Variants in PCDHGA2 observed in about 807,000 individuals in gnomAD.
The protein encoded by PCDHGA2 is protocadherin gamma-A2.
A neutral mutation model predicts 59.2 loss-of-function variants in PCDHGA2; 40 were observed. The observed-to-expected ratio is 0.68, with a 90% CI of 0.52 to 0.88. The LOEUF (loss-of-function observed/expected upper bound fraction) is 0.88, where lower values mean the gene tolerates loss of function less well. Among genes scored for constraint, PCDHGA2 ranks in the 40% least tolerant of loss-of-function variants. The pLI, the probability that PCDHGA2 is intolerant of heterozygous loss-of-function variation, is 0.00. For missense variants in PCDHGA2, 1,226 were observed against 1,204.0 expected, an observed-to-expected ratio of 1.02 and a Z score of -0.27; for synonymous variants, 560 against 526.0, an observed-to-expected ratio of 1.06 and a Z score of -0.89.
At chr5:141,462,497 T>C (rs1333421053) in intron 1 of PCDHGA2, among the ~76,000 whole-genome samples, 1 of 152,244 alleles carries the variant, frequency 6.6e-6, no homozygotes, top group Non-Finnish European at 1.5e-5. Flanking sequence ...TATCCTATAA[T>C]TGTCAACTAG....
At chr5:141,366,611 G>A (rs1479573730) in intron 1 of PCDHGA2, 2 of 1,614,240 alleles carry the variant, frequency 1.2e-6, no homozygotes, top group Admixed American at 1.7e-5. Context: ...CTCCCTCACC[G>A]CGGACTCGAG....
chr5:141,381,693 G>A (rs1777359039), intron 1 of PCDHGA2, among the ~76,000 whole-genome samples: 1 of 152,096 alleles, frequency 6.6e-6, no homozygotes, highest in African/African-American at 2.4e-5. Context: ...GACAAACAAC[G>A]ATTTCTTTCT....
intron 1 of PCDHGA2, chr5:141,371,250 A>G: frequency 6.2e-7 from 1 of 1,614,054 alleles, no homozygotes; most frequent in Non-Finnish European, 8.5e-7. Context: ...CAATATTGGC[A>G]AGGAAGTGAG....
chr5:141,490,942 C>G lies in PCDHGA2; in HGVS notation c.2425-3865C>G. 1 of 1,613,644 alleles carries G rather than the reference C, an allele frequency of 6.2e-7. No individual in the cohort carries two copies. Among genetic ancestry groups the G allele is most frequent in the Non-Finnish European group, 8.5e-7 (1 of 1,179,760 alleles). On this transcript the variant is annotated intron_variant, in intron 1 of 3. Transcript: ENST00000394576. This position sits in a 1 kb window ranked among gnomAD's most constrained non-coding sequence, Gnocchi z 5.4. ...TAATGCCCCAGCTGTGCTGCACCCA[C>G]GGCCAGACTGGGAACACTCAGCCCC...
At position 141,468,868 on chromosome 5, in the gene PCDHGA2, A is replaced by AAAT. The variant is rs993655754; in HGVS notation, c.2425-25921_2425-25919dup. Among the ~76,000 whole-genome samples, 30 of 151,912 alleles carry AAAT rather than the reference A, an allele frequency of 2.0e-4. No homozygotes were observed. The East Asian group carries it at 4.3e-3, about 22-fold the overall frequency. On this transcript the variant is annotated intron_variant, in intron 1 of 3. Coordinates refer to ENST00000394576, the MANE Select transcript of PCDHGA2 (RefSeq NM_018915.4). ...GCAACAGAGCGAGACTCCATCTCAAAAATAATAATAATAATAATAAGGTAC... is the reference window on the plus strand; with the variant it reads ...GCAACAGAGCGAGACTCCATCTCAAAAATAATAATAATAATAATAATAAGGTAC...
At chr5:141,458,899 T>A (rs1398965632) in intron 1 of PCDHGA2, among the ~76,000 whole-genome samples, 2 of 152,106 alleles carry the variant, frequency 1.3e-5, no homozygotes, top group African/African-American at 2.4e-5. Context: ...GCGCAGCTAA[T>A]TTTTTCTATT....
At chr5:141,389,391 G>C (rs544096177) in intron 1 of PCDHGA2, 9 of 1,613,686 alleles carry the variant, frequency 5.6e-6, no homozygotes, top group African/African-American at 1.3e-5. Context: ...GTCATCCTAC[G>C]TGTCCATAAG....
intron 1 of PCDHGA2, chr5:141,419,960 G>A (rs773071584): frequency 5.0e-6 from 8 of 1,613,960 alleles, no homozygotes; most frequent in South Asian, 4.4e-5. Context: ...CTTGATTTCT[G>A]TGCTCTTTCT....
At chr5:141,388,800 G>A (rs1193679536) in intron 1 of PCDHGA2, 6 of 1,613,896 alleles carry the variant, frequency 3.7e-6, no homozygotes, top group Non-Finnish European at 5.1e-6. Context: ...AAATACATTA[G>A]ATTTTGAAGA....
At chr5:141,355,485 C>T (rs1024041667) in intron 1 of PCDHGA2, 1 of 1,614,082 alleles carries the variant, frequency 6.2e-7, no homozygotes, top group Middle Eastern at 1.6e-4. Flanking sequence ...GGGAGGAGCT[C>T]TGCGACAGAT....
chr5:141,401,109 C>G (rs1389316272), intron 1 of PCDHGA2, among the ~76,000 whole-genome samples: 2 of 152,012 alleles, frequency 1.3e-5, no homozygotes, highest in African/African-American at 2.4e-5. Flanking sequence ...TTTGGGAGGC[C>G]GAGGCGGTTG....
intron 1 of PCDHGA2, chr5:141,372,982 GT>G: frequency 1.6e-6 from 1 of 641,336 alleles, no homozygotes; most frequent in East Asian, 2.8e-5. Flanking sequence ...GAATATCTGT[GT>G]TGCAGTTGTT....
In PCDHGA2 at chr5:141,491,534, G is replaced by A. The variant is rs376996144; in HGVS notation, c.2425-3273G>A. On this transcript the variant is annotated intron_variant, in intron 1 of 3. Coordinates refer to ENST00000394576, the MANE Select transcript of PCDHGA2 (RefSeq NM_018915.4). This position sits in a 1 kb window ranked among gnomAD's most constrained non-coding sequence, Gnocchi z 6.9. The stretch of plus-strand genomic sequence containing the variant: ...CTCAAGTACATGGAGGTGACGCTGC[G>A]GCCCACAGACTCGCAGAGCCACTGC... The A allele has an allele frequency of 6.2e-7, 1 of 1,614,030 alleles. No homozygotes were observed. The highest frequency in any genetic ancestry group is 8.5e-7 in the Non-Finnish European group (1 of 1,180,028).
In PCDHGA2 at chr5:141,489,561, G is replaced by A. The variant is rs1750812409; in HGVS notation, c.2425-5246G>A. 6.2e-7 allele frequency: 1 copy of A among 1,614,106 alleles called. No homozygotes were observed. Among genetic ancestry groups the A allele is most frequent in the Non-Finnish European group, 8.5e-7 (1 of 1,180,026 alleles). On this transcript the variant is annotated intron_variant, in intron 1 of 3. Coordinates refer to ENST00000394576, the MANE Select transcript of PCDHGA2 (RefSeq NM_018915.4). The surrounding 1 kb of genome is among the most constrained non-coding windows in gnomAD (Gnocchi z 4.5). Reference sequence around the variant, plus strand: ...GCACCAGCTGCCTGCTGCCAGTGCAGGTGGTGACTGAACACCCCCTGGAGC... The same window carrying A: ...GCACCAGCTGCCTGCTGCCAGTGCAAGTGGTGACTGAACACCCCCTGGAGC...
intron 1 of PCDHGA2, chr5:141,410,442 C>T (rs1444532577): frequency 6.2e-7 from 1 of 1,613,942 alleles, no homozygotes; most frequent in East Asian, 2.2e-5. Context: ...AGTGAGGGGA[C>T]TTTGCCTTAT....
At chr5:141,470,139 A>AT (rs146570937) in intron 1 of PCDHGA2, among the ~76,000 whole-genome samples, 7,047 of 152,316 alleles carry the variant, frequency 0.046, 200 homozygotes, top group Middle Eastern at 0.092. Flanking sequence ...AAAAAAAAAG[A>AT]TCATAGATCA....
intron 1 of PCDHGA2, chr5:141,423,461 A>G (rs1590478217): frequency 6.2e-7 from 1 of 1,613,982 alleles, no homozygotes; most frequent in Non-Finnish European, 8.5e-7. Context: ...GTAGGCGTGG[A>G]CGGGGTACAG....
At chr5:141,362,024 G>T (rs987930042) in intron 1 of PCDHGA2, 2 of 1,608,122 alleles carry the variant, frequency 1.2e-6, no homozygotes, top group African/African-American at 1.3e-5. Flanking sequence ...CGCACAGCGC[G>T]TGCCTTGGGC....
chr5:141,371,333 T>C, intron 1 of PCDHGA2: 2 of 1,613,850 alleles, frequency 1.2e-6, no homozygotes, highest in Non-Finnish European at 1.7e-6. Context: ...AAGAGAGAGA[T>C]AGCTACACAA....
Sources: gnomAD v4.1 joint callset for allele counts (sites outside exome capture counted in the v4.1 genomes callset) on GRCh38, gnomAD v4.1.1 for gene constraint, Gnocchi (gnomAD v3.1) non-coding constraint, MANE v1.5 for transcripts, NCBI Gene and HGNC (gene_info 2026-07-23, HGNC 2026-07-21) for gene names.